Variants in CAMTA1 observed in about 807,000 individuals in gnomAD.
CAMTA1 encodes the protein calmodulin-binding transcription activator 1.
In CAMTA1, 27 loss-of-function variants were observed where a neutral mutation model predicts 170.9. That is an observed-to-expected ratio of 0.16 (90% confidence interval 0.12 to 0.22). The LOEUF is 0.22. Among genes scored for constraint, CAMTA1 ranks in the 10% least tolerant of loss-of-function variants. The pLI is 1.00. For synonymous variants in CAMTA1, 833 were observed against 891.5 expected (o/e 0.93, Z 1.17); for missense variants, 1,619 against 2,217.2 (o/e 0.73, Z 5.42).
intron 11 of CAMTA1, among the ~76,000 whole-genome samples, chr1:7,709,044 C>T (rs2096549119): frequency 6.6e-6 from 1 of 152,176 alleles, no homozygotes; most frequent in Non-Finnish European, 1.5e-5. Flanking sequence ...ACAGCATGAG[C>T]CCTCTGTCAC....
intron 5 of CAMTA1, among the ~76,000 whole-genome samples, chr1:7,451,589 T>A (rs556304045): frequency 6.6e-6 from 1 of 151,768 alleles, no homozygotes; most frequent in East Asian, 1.9e-4. Context: ...GTTGGGGAGG[T>A]GGTGGGGAAC....
At chr1:6,882,312 C>T (rs1303345708) in intron 3 of CAMTA1, among the ~76,000 whole-genome samples, 1 of 152,164 alleles carries the variant, frequency 6.6e-6, no homozygotes, top group African/African-American at 2.4e-5. Flanking sequence ...GCTGAAAGAT[C>T]TATACTGTTT....
chr1:7,499,140 G>A (rs111203658), intron 6 of CAMTA1, among the ~76,000 whole-genome samples: 41 of 104,322 alleles, frequency 3.9e-4, no homozygotes, highest in Admixed American at 7.9e-4. Flanking sequence ...CCTGGTGTGC[G>A]TGTGTACGTA....
At chr1:7,392,902 A>G (rs907731425) in intron 5 of CAMTA1, among the ~76,000 whole-genome samples, 11 of 151,412 alleles carry the variant, frequency 7.3e-5, no homozygotes, top group African/African-American at 2.7e-4. Flanking sequence ...TCAATCTATA[A>G]GCTGAGTGTG....
chr1:7,226,838 T>A (rs1301878944), intron 4 of CAMTA1, among the ~76,000 whole-genome samples: 2 of 152,208 alleles, frequency 1.3e-5, no homozygotes, highest in African/African-American at 4.8e-5. Flanking sequence ...TTTTTATTTT[T>A]TATTTTTTTT....
chr1:7,110,771 G>A (rs1188157053), intron 4 of CAMTA1, among the ~76,000 whole-genome samples: 1 of 152,224 alleles, frequency 6.6e-6, no homozygotes, highest in Non-Finnish European at 1.5e-5. Flanking sequence ...CTCTTTCTAT[G>A]TCAGCAGAAA....
In CAMTA1 at chr1:7,396,172, C is replaced by T. The variant is rs57850675; in HGVS notation, c.439-71658C>T. On this transcript the variant is annotated intron_variant, in intron 5 of 22. Transcript: ENST00000303635. ...TCGCAGTAATGAGGGAATTCGTGTT[C>T]TATTAGTTCCCACGATAGCTTGTTC... Among the ~76,000 whole-genome samples the T allele has an allele frequency of 4.3e-3, 659 of 152,266 alleles. 5 individuals carry two copies. The highest frequency in any genetic ancestry group is 0.015 in the African/African-American group (631 of 41,538).
chr1:6,843,366 G>A (rs1656666830), intron 3 of CAMTA1, among the ~76,000 whole-genome samples: 1 of 152,184 alleles, frequency 6.6e-6, no homozygotes, highest in African/African-American at 2.4e-5. Flanking sequence ...TGGAAAGACA[G>A]TATTTTACAA....
intron 11 of CAMTA1, among the ~76,000 whole-genome samples, chr1:7,699,619 T>C (rs1177770457): frequency 2.6e-5 from 4 of 152,226 alleles, no homozygotes; most frequent in African/African-American, 7.2e-5. Flanking sequence ...AGCTGTGCCA[T>C]TTTACATTTC....
intron 4 of CAMTA1, among the ~76,000 whole-genome samples, chr1:7,151,802 C>G (rs1012758786): frequency 1.3e-5 from 2 of 152,186 alleles, no homozygotes; most frequent in Non-Finnish European, 2.9e-5. Context: ...CCAGTGGGTT[C>G]GAGTGTGCAT....
In CAMTA1 at chr1:7,588,947, T is replaced by G. The variant is rs1160911503; in HGVS notation, c.511-51453T>G. Among the ~76,000 whole-genome samples the G allele has an allele frequency of 6.6e-6, 1 of 152,222 alleles. No homozygotes were observed. The highest frequency in any genetic ancestry group is 2.4e-5 in the African/African-American group (1 of 41,470). On this transcript the variant is annotated intron_variant, in intron 6 of 22. Transcript: ENST00000303635. The surrounding 1 kb of genome is among the most constrained non-coding windows in gnomAD (Gnocchi z 5.8). ...GGAAGACTGATCGTGCTTGGATAAG[T>G]GCAGCTTAAAATTGAAAACCAAGCA...
intron 7 of CAMTA1, among the ~76,000 whole-genome samples, chr1:7,654,445 CTGA>C (rs1416253218): frequency 6.6e-6 from 1 of 151,694 alleles, no homozygotes; most frequent in African/African-American, 2.4e-5. Context: ...TGGAAAGCCC[CTGA>C]TGTCAGAACC....
At chr1:7,225,622 C>T (rs914009116) in intron 4 of CAMTA1, among the ~76,000 whole-genome samples, 10 of 152,164 alleles carry the variant, frequency 6.6e-5, no homozygotes, top group South Asian at 2.1e-4. Context: ...AATGTGCCAG[C>T]GGGGTTGACA....
In CAMTA1 at chr1:6,794,889, T is replaced by TG. The variant is rs1642079241; in HGVS notation, c.45+9315dup. ...CATCATTAGATAAAGGCTTTTTTTT[T>TG]GTTTTTTTTGTTTTTTTGTTTTTTT... On this transcript the variant is annotated intron_variant, in intron 1 of 22. Coordinates refer to ENST00000303635, the MANE Select transcript of CAMTA1 (RefSeq NM_015215.4). 1.4e-5 allele frequency among the ~76,000 whole-genome samples: 2 copies of TG among 144,496 alleles called. 1 individual carries two copies. The highest frequency in any genetic ancestry group is 5.4e-5 in the African/African-American group (2 of 37,062). 94.8% of individuals were successfully genotyped at this position (144,496 alleles called of 152,430 possible).
At chr1:7,734,985 A>G (rs2096760497) in intron 12 of CAMTA1, among the ~76,000 whole-genome samples, 1 of 152,178 alleles carries the variant, frequency 6.6e-6, no homozygotes, top group Admixed American at 6.5e-5. Flanking sequence ...TTTTTCTTCC[A>G]TTACAACTGG....
Position 7,333,476 on chromosome 1 carries a change from C to T in CAMTA1, c.438+83850C>T, listed in dbSNP as rs1194390888. 1.3e-5 allele frequency among the ~76,000 whole-genome samples: 2 copies of T among 152,218 alleles called. No individual in the cohort carries two copies. Among genetic ancestry groups the T allele is most frequent in the Non-Finnish European group, 2.9e-5 (2 of 68,040 alleles). ...TCTCTGCTGTGAAATTCCCTTTGCA[C>T]TGGGAGATTTCCCGGCAGAGGTCCT... On this transcript the variant is annotated intron_variant, in intron 5 of 22. Transcript: ENST00000303635. The surrounding 1 kb of genome is among the most constrained non-coding windows in gnomAD (Gnocchi z 4.4).
intron 3 of CAMTA1, among the ~76,000 whole-genome samples, chr1:6,944,755 C>T (rs975186303): frequency 1.3e-5 from 2 of 152,174 alleles, no homozygotes; most frequent in African/African-American, 4.8e-5. Context: ...CTTTGACTTG[C>T]CGTGGTTCGT....
chr1:7,745,584 A>G (rs538724585), intron 17 of CAMTA1, among the ~76,000 whole-genome samples: 1 of 152,298 alleles, frequency 6.6e-6, no homozygotes, highest in African/African-American at 2.4e-5. Context: ...ATTCAGCTGA[A>G]GTTTTCTAAT....
At chr1:7,308,716 G>A (rs1003897721) in intron 5 of CAMTA1, among the ~76,000 whole-genome samples, 23 of 152,010 alleles carry the variant, frequency 1.5e-4, no homozygotes, top group Non-Finnish European at 3.2e-4. Context: ...AATTCTTTTA[G>A]TTATTTTAAG....
Sources: allele counts gnomAD v4.1 joint callset (sites outside exome capture counted in the v4.1 genomes callset), GRCh38; gene constraint gnomAD v4.1.1; non-coding constraint Gnocchi (gnomAD v3.1); transcripts MANE v1.5; gene names NCBI Gene and HGNC (gene_info 2026-07-23, HGNC 2026-07-21).